The following PTPN21 variants were observed in gnomAD, a reference collection of about 807,000 sequenced individuals.
The protein encoded by PTPN21 is tyrosine-protein phosphatase non-receptor type 21.
A neutral mutation model predicts 131.8 loss-of-function variants in PTPN21; 77 were observed. The ratio of observed to expected loss-of-function variants is 0.58; its 90% CI spans 0.49 to 0.71. PTPN21 has a LOEUF of 0.71. PTPN21 is among the 30% of genes least tolerant of loss of function. PTPN21 has a pLI of 0.00. For missense variants in PTPN21, 1,552 were observed against 1,527.1 expected, an observed-to-expected ratio of 1.02 and a Z score of -0.27; for synonymous variants, 715 against 621.3, an observed-to-expected ratio of 1.15 and a Z score of -2.24.
At chr14:88,472,218 T>C (rs1020815103) in intron 15 of PTPN21, 26 bp downstream of exon 15, 1 of 1,312,782 alleles carries the variant, frequency 7.6e-7, no homozygotes, top group South Asian at 1.2e-5. Context: ...GCATGTGCTG[T>C]TGATTACTTG....
At chr14:88,472,053 GTA>G (rs2077479499) in intron 15 of PTPN21, among the ~76,000 whole-genome samples, 189 bp downstream of exon 15, 1 of 152,164 alleles carries the variant, frequency 6.6e-6, no homozygotes, top group African/African-American at 2.4e-5. Context: ...TCTAGCACTG[GTA>G]TGTGGATTTC....
intron 2 of PTPN21, among the ~76,000 whole-genome samples, chr14:88,547,074 C>T (rs2078793152): frequency 6.6e-6 from 1 of 152,100 alleles, no homozygotes; most frequent in African/African-American, 2.4e-5. Context: ...TTACTTGTTC[C>T]CTGAGACTGA....
At chr14:88,502,629 T>C (rs1461039383) in intron 6 of PTPN21, among the ~76,000 whole-genome samples, 1 of 152,200 alleles carries the variant, frequency 6.6e-6, no homozygotes, top group Non-Finnish European at 1.5e-5. Flanking sequence ...AACACTAAGC[T>C]ATCTTTTAAG....
chr14:88,479,107 C>T lies in PTPN21; in HGVS notation c.2324G>A (p.Ser775Asn). The T allele has an allele frequency of 6.4e-7, 1 of 1,570,120 alleles. No individual in the cohort carries two copies. Among genetic ancestry groups the T allele is most frequent in the East Asian group, 2.3e-5 (1 of 44,086 alleles). ...GGCCTCTGCGGTCGTGCGGACGGGGCTGCTGTCCATCATCCTCTTCTCCGC... is the reference window on the plus strand; with the variant it reads ...GGCCTCTGCGGTCGTGCGGACGGGGTTGCTGTCCATCATCCTCTTCTCCGC... The part of the protein sequence containing the change: ...PDAEKRMMDS[S>N]PVRTTAEAQR... The change falls in exon 13 of 19, where the codon AGC becomes AAC. Residue 775 changes from serine to asparagine, a missense_variant. By Grantham distance (46) the Ser-to-Asn change is conservative. Coordinates refer to ENST00000556564, the MANE Select transcript of PTPN21 (RefSeq NM_007039.4).
chr14:88,485,720 T>C lies in PTPN21; in HGVS notation c.993+62A>G, dbSNP rs183183091. On this transcript the variant is annotated intron_variant, in intron 11 of 18. Coordinates refer to ENST00000556564, the MANE Select transcript of PTPN21 (RefSeq NM_007039.4). ...CTCAAAATTAACAGCATTGAAAGCA[T>C]ATTTTATTCAGGAAAAACATCACTA... 3,755 of 1,216,466 alleles carry C rather than the reference T, an allele frequency of 3.1e-3. 25 individuals carry two copies. The highest frequency in any genetic ancestry group is 3.6e-3 in the Middle Eastern group (19 of 5,310). The allele number at this position is 1,216,466 out of a possible 1,614,324, so 75.4% of individuals were successfully genotyped here.
At chr14:88,488,170 C>T (rs751634763) in intron 10 of PTPN21, among the ~76,000 whole-genome samples, 3 of 152,124 alleles carry the variant, frequency 2.0e-5, no homozygotes, top group South Asian at 2.1e-4. Context: ...TACAAATTCA[C>T]AAGGATTGCC....
intron 12 of PTPN21, among the ~76,000 whole-genome samples, chr14:88,482,180 C>T (rs181612188): frequency 5.4e-4 from 83 of 152,300 alleles, no homozygotes; most frequent in South Asian, 3.9e-3. Context: ...GGGTGCAGAG[C>T]GGCACTGGCA....
chr14:88,531,337 T>A (rs1311971594), intron 2 of PTPN21, among the ~76,000 whole-genome samples: 3 of 152,116 alleles, frequency 2.0e-5, no homozygotes, highest in Non-Finnish European at 4.4e-5. Flanking sequence ...GGCTGGCAGA[T>A]CACGAGATCA....
intron 2 of PTPN21, among the ~76,000 whole-genome samples, chr14:88,549,573 C>T (rs1010253998): frequency 6.6e-6 from 1 of 151,992 alleles, no homozygotes; most frequent in African/African-American, 2.4e-5. Flanking sequence ...AGCCAGCATG[C>T]GGGCCAGAGA....
At chr14:88,534,161 G>A (rs534005627) in intron 2 of PTPN21, among the ~76,000 whole-genome samples, 21 of 151,398 alleles carry the variant, frequency 1.4e-4, no homozygotes, top group South Asian at 1.0e-3. Context: ...CACTTGTGGC[G>A]AGGAGAGTTC....
chr14:88,495,013 CAAAAAAAAAAAAAAAAA>C lies in PTPN21; in HGVS notation c.932+1383_932+1399del, dbSNP rs386382090. Among the ~76,000 whole-genome samples, 4 of 49,188 alleles carry C rather than the reference CAAAAAAAAAAAAAAAAA, an allele frequency of 8.1e-5. No homozygotes were observed. In the East Asian group the frequency reaches 4.0e-3, roughly 50 times the overall value. 32.3% of individuals were successfully genotyped at this position (49,188 alleles called of 152,430 possible). A position where few individuals can be genotyped will look rare whatever the true frequency, so the allele number is the denominator to read the frequency against. ...GGGTGACAGAGCGAGACTCTGTCTC[CAAAAAAAAAAAAAAAAA>C]AAAAAAAAAGAAGAGTGTCAGTGTC... On this transcript the variant is annotated intron_variant, in intron 10 of 18. Transcript: ENST00000556564.
chr14:88,539,096 T>G (rs1289888172), intron 2 of PTPN21, among the ~76,000 whole-genome samples: 2 of 152,088 alleles, frequency 1.3e-5, no homozygotes, highest in African/African-American at 4.8e-5. Flanking sequence ...TTCCTTTTTT[T>G]TTTTTGAGAT....
intron 10 of PTPN21, among the ~76,000 whole-genome samples, chr14:88,489,687 A>T (rs2077794461): frequency 6.6e-6 from 1 of 152,186 alleles, no homozygotes; most frequent in South Asian, 2.1e-4. Context: ...TAGATGGTGG[A>T]AATACCTAGC....
chr14:88,516,516 G>A (rs977372006), intron 3 of PTPN21, among the ~76,000 whole-genome samples: 5 of 151,968 alleles, frequency 3.3e-5, no homozygotes, highest in African/African-American at 1.2e-4. Context: ...TTGTCTTCAG[G>A]GGGAAAAAGA....
chr14:88,472,985 T>C (rs2077494062), intron 14 of PTPN21, among the ~76,000 whole-genome samples: 1 of 152,196 alleles, frequency 6.6e-6, no homozygotes, highest in Admixed American at 6.5e-5. Flanking sequence ...AGTTGAAAAT[T>C]GGCCTAAAGA....
rs143669618 is a variant in PTPN21, at chr14:88,479,307, G to A, written c.2124C>T (p.Ile708=). The part of the protein sequence containing the change: ...KKSLSDATML[I]HSSEEEEDED... Reference sequence around the variant, plus strand: ...CGTCCTCCTCCTCCTCGCTGCTGTGGATTAGCATGGTGGCGTCCGACAGGG... The same window carrying A: ...CGTCCTCCTCCTCCTCGCTGCTGTGAATTAGCATGGTGGCGTCCGACAGGG... Residue 708 remains isoleucine (I), a synonymous_variant, in exon 13 of 19, where the codon ATC becomes ATT. Coordinates refer to ENST00000556564, the MANE Select transcript of PTPN21 (RefSeq NM_007039.4). 10 of 1,613,412 alleles carry A rather than the reference G, an allele frequency of 6.2e-6. No individual in the cohort carries two copies. In the African/African-American group the frequency reaches 1.2e-4, roughly 19 times the overall value.
chr14:88,471,373 C>T (rs1400300041), intron 15 of PTPN21, among the ~76,000 whole-genome samples: 1 of 152,192 alleles, frequency 6.6e-6, no homozygotes, highest in Non-Finnish European at 1.5e-5. Context: ...TTTATTCCAT[C>T]ATGTGTTGTG....
Position 88,479,203 on chromosome 14 carries a change from G to A in PTPN21, c.2228C>T (p.Pro743Leu). Residue 743 changes from proline to leucine, a missense_variant, in exon 13 of 19, where the codon CCA becomes CTA. Coordinates refer to ENST00000556564, the MANE Select transcript of PTPN21 (RefSeq NM_007039.4). ...GAGCAGGACGCGAGGGCAGCCAGGT[G>A]GGTCCTGGGCCAGGCCGGGCCGAGG... ...REPRPGLAQD[P>L]PGCPRVLLAG... 1 of 1,580,430 alleles carries A rather than the reference G, an allele frequency of 6.3e-7. No homozygotes were observed. Among genetic ancestry groups the A allele is most frequent in the Non-Finnish European group, 8.6e-7 (1 of 1,165,036 alleles).
At chr14:88,518,414 ATTTTTTTTTTTTTTTTT>A (rs869305749) in intron 2 of PTPN21, among the ~76,000 whole-genome samples, 5 of 10,780 alleles carry the variant, frequency 4.6e-4, no homozygotes, top group African/African-American at 1.2e-3. Flanking sequence ...ATATATATAT[ATTTTTTTTTTTTTTTTT>A]TTTTTTTTTT....
Sources: allele counts gnomAD v4.1 joint callset (sites outside exome capture counted in the v4.1 genomes callset), GRCh38; gene constraint gnomAD v4.1.1; transcripts MANE v1.5; gene names NCBI Gene and HGNC (gene_info 2026-07-23, HGNC 2026-07-21).